Variants in MRE11 observed in about 807,000 individuals in gnomAD.
MRE11 encodes the protein double-strand break repair protein MRE11.
MRE11 carries 62 observed loss-of-function variants against 91.7 expected under a neutral mutation model. The ratio of observed to expected loss-of-function variants is 0.68; its 90% CI spans 0.55 to 0.84. The LOEUF is 0.84. Among genes scored for constraint, MRE11 ranks in the 40% least tolerant of loss-of-function variants. The probability of loss-of-function intolerance (pLI) is 0.00; values close to 1 mark genes in which losing one functional copy is unlikely to be tolerated. For missense variants in MRE11, 796 were observed against 852.9 expected (o/e 0.93, Z 0.83); for synonymous variants, 273 against 271.4 (o/e 1.01, Z -0.06).
rs1388193100 is a variant in MRE11 at position 94,417,706 on chromosome 11, T to C, written c.*2419A>G. 1 of 232,896 alleles carries C rather than the reference T, an allele frequency of 4.3e-6. No individual in the cohort carries two copies. The highest frequency in any genetic ancestry group is 1.2e-3 in the Middle Eastern group (1 of 808). The allele number at this position is 232,896 out of a possible 1,614,324, so 14.4% of individuals were successfully genotyped here. On this transcript the variant is annotated 3_prime_UTR_variant, in exon 20 of 20. Coordinates refer to ENST00000323929, the MANE Select transcript of MRE11 (RefSeq NM_005591.4). The stretch of plus-strand genomic sequence containing the variant: ...TTGACCTGTAGAGGGATTCCATCAG[T>C]GCTCAATTTATAATTATTTATTCAA...
At chr11:94,493,376 G>A (rs1328368244) in intron 1 of MRE11, among the ~76,000 whole-genome samples, 1 of 152,168 alleles carries the variant, frequency 6.6e-6, no homozygotes, top group Non-Finnish European at 1.5e-5. Context: ...TAAAGCGAGT[G>A]TAAATAAACA....
chr11:94,478,730 C>A lies in MRE11; in HGVS notation c.544+5G>T, dbSNP rs564688936. On this transcript the variant is annotated splice_donor_5th_base_variant and intron_variant, in intron 6 of 19. Coordinates refer to ENST00000323929, the MANE Select transcript of MRE11 (RefSeq NM_005591.4). The stretch of plus-strand genomic sequence containing the variant: ...GACATAAACAGTAAAATAAAACTGT[C>A]TTACCTAAACCATATAGCGCAATCT... The A allele has an allele frequency of 3.1e-6, 5 of 1,611,850 alleles. No homozygotes were observed. The East Asian group carries it at 6.7e-5, about 22-fold the overall frequency.
rs770429536 is a variant in MRE11, at chr11:94,470,578, C to T, written c.910G>A (p.Val304Met). 1.9e-5 allele frequency: 30 copies of T among 1,613,202 alleles called. No individual in the cohort carries two copies. In the South Asian group the frequency reaches 3.3e-4, roughly 18 times the overall value. Residue 304 changes from valine to methionine, a missense_variant, in exon 9 of 20, where the codon GTG becomes ATG. By Grantham distance (21) the Val-to-Met change is conservative. Coordinates refer to ENST00000323929, the MANE Select transcript of MRE11 (RefSeq NM_005591.4). ...ATATCCTCCATGAAAAACTGCCGCA[C>T]TGTGTGAAGAGGAATTTTATGCATA... ...MNMHKIPLHT[V>M]RQFFMEDIVL...
intron 3 of MRE11, among the ~76,000 whole-genome samples, chr11:94,489,638 T>G (rs1318351909): frequency 2.0e-5 from 3 of 152,064 alleles, no homozygotes; most frequent in Non-Finnish European, 4.4e-5. Flanking sequence ...CCATATATAT[T>G]TGGGAGGAAG....
At chr11:94,470,910 T>A (rs1946692532) in intron 8 of MRE11, among the ~76,000 whole-genome samples, 1 of 151,992 alleles carries the variant, frequency 6.6e-6, no homozygotes, top group Non-Finnish European at 1.5e-5. Context: ...CATAAAAAAA[T>A]GTTAACAGGA....
intron 16 of MRE11, among the ~76,000 whole-genome samples, chr11:94,444,128 C>T (rs577245632): frequency 5.3e-5 from 8 of 151,996 alleles, no homozygotes; most frequent in South Asian, 2.1e-4. Flanking sequence ...AGACTGGTTT[C>T]GATCTCCTGA....
chr11:94,480,067 T>C (rs930380623), intron 4 of MRE11, among the ~76,000 whole-genome samples: 15 of 152,180 alleles, frequency 9.9e-5, no homozygotes, highest in Non-Finnish European at 2.1e-4. Context: ...AAACTTAGCA[T>C]ATGGTTTTTA....
At chr11:94,446,366 C>G (rs1192468368) in intron 15 of MRE11, among the ~76,000 whole-genome samples, 1 of 152,156 alleles carries the variant, frequency 6.6e-6, no homozygotes, top group African/African-American at 2.4e-5. Context: ...GAAATCGCAC[C>G]ATTGCACTCC....
upstream of MRE11, among the ~76,000 whole-genome samples, chr11:94,495,954 A>G (rs541181937): frequency 5.6e-4 from 85 of 152,372 alleles, no homozygotes; most frequent in African/African-American, 2.0e-3. Flanking sequence ...AGTTGAATGA[A>G]GGAATGAATG....
rs1407115651 is a variant in MRE11, at chr11:94,419,457, G to A, written c.*668C>T. Reference sequence around the variant, plus strand: ...GGAGAAAGGAAGAGTGGGGAACGGGGGGGAGAGGGAGAGAGAGAGAGAGAG... The same window carrying A: ...GGAGAAAGGAAGAGTGGGGAACGGGAGGGAGAGGGAGAGAGAGAGAGAGAG... On this transcript the variant is annotated 3_prime_UTR_variant, in exon 20 of 20. Transcript: ENST00000323929. 5.3e-6 allele frequency: 1 copy of A among 188,478 alleles called. No homozygotes were observed. The highest frequency in any genetic ancestry group is 1.0e-5 in the Non-Finnish European group (1 of 97,668). 11.7% of individuals were successfully genotyped at this position (188,478 alleles called of 1,614,324 possible).
upstream of MRE11, among the ~76,000 whole-genome samples, chr11:94,494,870 C>T (rs1301109628): frequency 2.0e-5 from 3 of 152,080 alleles, no homozygotes; most frequent in Admixed American, 1.3e-4. Flanking sequence ...TATTTATTAG[C>T]ATCTGTTAAG....
chr11:94,448,221 T>A (rs1945995433), intron 14 of MRE11, among the ~76,000 whole-genome samples: 1 of 152,152 alleles, frequency 6.6e-6, no homozygotes, highest in Non-Finnish European at 1.5e-5. Flanking sequence ...ACACTTTTTC[T>A]AAAAAATTAG....
Position 94,420,101 on chromosome 11 carries a change from T to A in MRE11, c.*24A>T, listed in dbSNP as rs763866483. The A allele has an allele frequency of 6.6e-7, 1 of 1,523,622 alleles. No homozygotes were observed. The highest frequency in any genetic ancestry group is 1.7e-5 in the Admixed American group (1 of 59,628). 94.4% of individuals were successfully genotyped at this position (1,523,622 alleles called of 1,614,324 possible). A position where few individuals can be genotyped will look rare whatever the true frequency, so the allele number is the denominator to read the frequency against. On this transcript the variant is annotated 3_prime_UTR_variant, in exon 20 of 20. Transcript: ENST00000323929. ...ATTTTCATTTTTCCTGTATCTTGCA[T>A]GTTTCTCAGTGCCATTAAATATATT...
In MRE11 at chr11:94,467,878, C is replaced by G; in HGVS notation, c.1033G>C (p.Glu345Gln). The G allele has an allele frequency of 6.2e-7, 1 of 1,613,614 alleles. No homozygotes were observed. The highest frequency in any genetic ancestry group is 8.5e-7 in the Non-Finnish European group (1 of 1,179,734). ...CCCAGACGTTCCCGTTCAGCATTTTCAAGCATTTCTTCAATCTCAAAATTT... is the reference window on the plus strand; with the variant it reads ...CCCAGACGTTCCCGTTCAGCATTTTGAAGCATTTCTTCAATCTCAAAATTT... ...FCLEKIEEML[E>Q]NAERERLGNS... Residue 345 changes from glutamate to glutamine, a missense_variant, in exon 10 of 20, where the codon GAA becomes CAA. By Grantham distance (29) the Glu-to-Gln change is conservative (BLOSUM62 2). Coordinates refer to ENST00000323929, the MANE Select transcript of MRE11 (RefSeq NM_005591.4).
intron 7 of MRE11, among the ~76,000 whole-genome samples, chr11:94,474,328 T>C (rs987130627): frequency 7.2e-5 from 11 of 151,956 alleles, no homozygotes; most frequent in Admixed American, 1.3e-4. Context: ...TGGGAAGACA[T>C]TGAAAGGACA....
At chr11:94,467,476 A>G (rs1946593787) in intron 10 of MRE11, among the ~76,000 whole-genome samples, 1 of 152,116 alleles carries the variant, frequency 6.6e-6, no homozygotes, top group South Asian at 2.1e-4. Context: ...CTAAAGGGAG[A>G]TAAGAGCACA....
chr11:94,436,619 T>A (rs1945623330), intron 17 of MRE11, among the ~76,000 whole-genome samples: 1 of 151,926 alleles, frequency 6.6e-6, no homozygotes, highest in African/African-American at 2.4e-5. Context: ...AAGGGAAGAG[T>A]ATTGGCTCGG....
chr11:94,489,049 A>C lies in MRE11; in HGVS notation c.153+1784T>G, dbSNP rs184771431. Among the ~76,000 whole-genome samples, 34 of 152,296 alleles carry C rather than the reference A, an allele frequency of 2.2e-4. No individual in the cohort carries two copies. The East Asian group carries it at 6.4e-3, about 29-fold the overall frequency. On this transcript the variant is annotated intron_variant, in intron 3 of 19. Coordinates refer to ENST00000323929, the MANE Select transcript of MRE11 (RefSeq NM_005591.4). ...CACTAAGATACAGCATGAACAAACA[A>C]AAGATTTCCACTCTCATGGAGTTTT...
At chr11:94,438,301 C>A (rs1945679905) in intron 16 of MRE11, among the ~76,000 whole-genome samples, 1 of 152,154 alleles carries the variant, frequency 6.6e-6, no homozygotes, top group African/African-American at 2.4e-5. Flanking sequence ...AAAAATCCTG[C>A]AAAGTCCAAA....
Sources: allele counts gnomAD v4.1 joint callset (sites outside exome capture counted in the v4.1 genomes callset), GRCh38; gene constraint gnomAD v4.1.1; transcripts MANE v1.5; gene names NCBI Gene and HGNC (gene_info 2026-07-23, HGNC 2026-07-21).